SPPL3: variants seen among roughly 807,000 people sequenced by gnomAD.
SPPL3 encodes signal peptide peptidase-like 3.
A neutral mutation model predicts 42.4 loss-of-function variants in SPPL3; 5 were observed. That is an observed-to-expected ratio of 0.12 (90% CI 0.06 to 0.25). The LOEUF (loss-of-function observed/expected upper bound fraction) is 0.25. Among genes scored for constraint, SPPL3 ranks in the 10% least tolerant of loss-of-function variants. The probability of loss-of-function intolerance (pLI) is 1.00; values close to 1 mark genes in which losing one functional copy is unlikely to be tolerated. For missense variants in SPPL3, 235 were observed against 489.0 expected (o/e 0.48, Z 4.90); for synonymous variants, 195 against 181.8 (o/e 1.07, Z -0.58).
chr12:120,821,409 T>C (rs1223372029), intron 1 of SPPL3, among the ~76,000 whole-genome samples: 2 of 152,246 alleles, frequency 1.3e-5, no homozygotes, highest in Non-Finnish European at 2.9e-5. Flanking sequence ...AGCCCTGGGC[T>C]GGCTGCAGCA....
At chr12:120,837,233 T>C (rs1356403016) in intron 1 of SPPL3, among the ~76,000 whole-genome samples, 1 of 152,238 alleles carries the variant, frequency 6.6e-6, no homozygotes, top group Non-Finnish European at 1.5e-5. Context: ...CTAGTTTATC[T>C]GCATTTGACC....
chr12:120,823,199 AGT>A (rs1306921654), intron 1 of SPPL3, among the ~76,000 whole-genome samples: 3 of 43,234 alleles, frequency 6.9e-5, no homozygotes, highest in Admixed American at 4.1e-4. Flanking sequence ...AGAGACGGAG[AGT>A]GTGTGTGTGG....
chr12:120,807,879 T>C (rs1232121792), intron 2 of SPPL3, among the ~76,000 whole-genome samples: 1 of 152,076 alleles, frequency 6.6e-6, no homozygotes, highest in Non-Finnish European at 1.5e-5. Flanking sequence ...CACCAACTTA[T>C]TCAGTGAGTT....
At chr12:120,864,639 A>G (rs1731311669) in intron 1 of SPPL3, among the ~76,000 whole-genome samples, 2 of 152,200 alleles carry the variant, frequency 1.3e-5, no homozygotes, top group African/African-American at 4.8e-5. Flanking sequence ...TCTGCCAAAT[A>G]CTCAAAGCTG....
At chr12:120,800,612 G>GA (rs937871126) in intron 2 of SPPL3, among the ~76,000 whole-genome samples, 3 of 151,538 alleles carry the variant, frequency 2.0e-5, no homozygotes, top group Admixed American at 6.6e-5. Flanking sequence ...TACCATCACA[G>GA]AAAAAAAATC....
intron 6 of SPPL3, among the ~76,000 whole-genome samples, chr12:120,772,539 A>C (rs1463862539): frequency 6.6e-6 from 1 of 152,254 alleles, no homozygotes; most frequent in African/African-American, 2.4e-5. Context: ...AATGAATGCA[A>C]AACTGTGTTC....
At chr12:120,899,059 T>G (rs959264015) in intron 1 of SPPL3, among the ~76,000 whole-genome samples, 3 of 152,222 alleles carry the variant, frequency 2.0e-5, no homozygotes, top group African/African-American at 7.2e-5. Context: ...AAAGGTGTTT[T>G]TCTCAAATTA....
At chr12:120,772,835 C>T (rs897271694) in intron 6 of SPPL3, among the ~76,000 whole-genome samples, 2 of 152,190 alleles carry the variant, frequency 1.3e-5, no homozygotes, top group Non-Finnish European at 2.9e-5. Context: ...TATATATCTT[C>T]ATCTCCACTA....
chr12:120,836,710 T>A (rs1417983368), intron 1 of SPPL3, among the ~76,000 whole-genome samples: 1 of 152,192 alleles, frequency 6.6e-6, no homozygotes, highest in Non-Finnish European at 1.5e-5. Flanking sequence ...TGGGATATGC[T>A]TACAAAAGGG....
At chr12:120,840,934 C>A (rs1477487243) in intron 1 of SPPL3, among the ~76,000 whole-genome samples, 1 of 120,238 alleles carries the variant, frequency 8.3e-6, no homozygotes, top group Non-Finnish European at 1.8e-5. Context: ...AGTGAGACTC[C>A]ATTTCATTCA....
At chr12:120,797,255 G>C (rs920594109) in intron 2 of SPPL3, among the ~76,000 whole-genome samples, 1 of 49,672 alleles carries the variant, frequency 2.0e-5, no homozygotes, top group Non-Finnish European at 4.4e-5. Flanking sequence ...TCATTTTGCA[G>C]CTCTCTTTTC....
chr12:120,811,832 T>C (rs1592974695), intron 1 of SPPL3, among the ~76,000 whole-genome samples: 2 of 151,994 alleles, frequency 1.3e-5, no homozygotes, highest in East Asian at 3.8e-4. Context: ...AAATGAACAA[T>C]TTCACCCTAA....
At chr12:120,785,406 A>G (rs1385307390) in intron 3 of SPPL3, among the ~76,000 whole-genome samples, 2 of 152,172 alleles carry the variant, frequency 1.3e-5, no homozygotes, top group Non-Finnish European at 2.9e-5. Flanking sequence ...TACAAAGCCC[A>G]GGTCCAATCC....
At chr12:120,871,509 T>C (rs1032909974) in intron 1 of SPPL3, among the ~76,000 whole-genome samples, 2 of 152,080 alleles carry the variant, frequency 1.3e-5, no homozygotes, top group South Asian at 4.2e-4. Context: ...TTCCAGCATT[T>C]TGGGAGGCTG....
intron 1 of SPPL3, among the ~76,000 whole-genome samples, chr12:120,897,889 A>G (rs1252540713): frequency 6.6e-6 from 1 of 152,154 alleles, no homozygotes; most frequent in African/African-American, 2.4e-5. Flanking sequence ...CTTCCACTAG[A>G]TATGGAGACC....
chr12:120,896,700 A>G (rs772554607), intron 1 of SPPL3, among the ~76,000 whole-genome samples: 1 of 151,880 alleles, frequency 6.6e-6, no homozygotes, highest in Non-Finnish European at 1.5e-5. Flanking sequence ...AATTGCTTGA[A>G]CCTGGGAGGT....
In SPPL3 at chr12:120,874,428, A is replaced by G. The variant is rs1159065001; in HGVS notation, c.23+29417T>C. Among the ~76,000 whole-genome samples the G allele has an allele frequency of 2.8e-5, 4 of 144,862 alleles. No homozygotes were observed. In the Admixed American group the frequency reaches 2.8e-4, roughly 10 times the overall value. On this transcript the variant is annotated intron_variant, in intron 1 of 10. Transcript: ENST00000353487. ...AGATTGCGCCACTGCACTCCAGCCT[A>G]GATGACAGAGCGAGACCCTGTCGCA...
chr12:120,824,999 G>A (rs1871195480), intron 1 of SPPL3, among the ~76,000 whole-genome samples: 1 of 151,634 alleles, frequency 6.6e-6, no homozygotes, highest in Non-Finnish European at 1.5e-5. Flanking sequence ...GGGTAAACAT[G>A]CCCCCCACCC....
At position 120,764,633 on chromosome 12, in the gene SPPL3, A is replaced by G. The variant is rs1179438029; in HGVS notation, c.*366T>C. 2.6e-6 allele frequency: 1 copy of G among 380,910 alleles called. No homozygotes were observed. Among genetic ancestry groups the G allele is most frequent in the African/African-American group, 2.1e-5 (1 of 48,348 alleles). The allele number at this position is 380,910 out of a possible 1,614,324, so 23.6% of individuals were successfully genotyped here. ...GTTTGCTAATTTTTTTCATCCTTTT[A>G]GTGTTCAAAAGTTCTAGAAAGACTC... On this transcript the variant is annotated 3_prime_UTR_variant, in exon 11 of 11. Coordinates refer to ENST00000353487, the MANE Select transcript of SPPL3 (RefSeq NM_139015.5).
Sources: allele counts gnomAD v4.1 joint callset (sites outside exome capture counted in the v4.1 genomes callset), GRCh38; gene constraint gnomAD v4.1.1; transcripts MANE v1.5; gene names NCBI Gene and HGNC (gene_info 2026-07-23, HGNC 2026-07-21).